The following ZNF33B variants were observed in gnomAD, a reference collection of about 807,000 sequenced individuals.
ZNF33B encodes the protein zinc finger protein 33B.
A neutral mutation model predicts 45.8 loss-of-function variants in ZNF33B; 29 were observed. The observed-to-expected ratio is 0.63, with a 90% CI of 0.47 to 0.86. The LOEUF (loss-of-function observed/expected upper bound fraction) is 0.86. ZNF33B is among the 40% of genes least tolerant of loss of function. ZNF33B has a pLI of 0.00. For missense variants in ZNF33B, 831 were observed against 909.9 expected (o/e 0.91, Z 1.12); for synonymous variants, 305 against 307.8 (o/e 0.99, Z 0.10).
At chr10:42,632,053 G>C (rs1839085577) in intron 3 of ZNF33B, 29 bp from the exon 4 acceptor site, 1 of 1,609,252 alleles carries the variant, frequency 6.2e-7, no homozygotes, top group African/African-American at 1.3e-5. Context: ...TTAGGATTTG[G>C]ACCAAGCAGT....
chr10:42,628,432 A>C (rs1450478540), intron 4 of ZNF33B, among the ~76,000 whole-genome samples: 1 of 152,304 alleles, frequency 6.6e-6, no homozygotes, highest in Non-Finnish European at 1.5e-5. Context: ...CTAAGAGGGA[A>C]GTGATGAATT....
At chr10:42,605,264 TAAAAAAAAA>T (rs35151043) in intron 4 of ZNF33B, 1 of 126,334 alleles carries the variant, frequency 7.9e-6, no homozygotes, top group Non-Finnish European at 1.6e-5. Flanking sequence ...GCATTAAATT[TAAAAAAAAA>T]AAAAAAAAAA....
At chr10:42,600,740 T>C (rs1489904322) in intron 4 of ZNF33B, among the ~76,000 whole-genome samples, 1 of 152,220 alleles carries the variant, frequency 6.6e-6, no homozygotes, top group Non-Finnish European at 1.5e-5. Flanking sequence ...CTTCCAATAG[T>C]ATATACTTTA....
At chr10:42,579,050 T>C (rs1400032367) in intron 1 of ZNF33B, among the ~76,000 whole-genome samples, 4 of 152,158 alleles carry the variant, frequency 2.6e-5, no homozygotes, top group Middle Eastern at 6.3e-3. Flanking sequence ...CTGCTGGTCA[T>C]TGTCTCTGCA....
chr10:42,592,434 G>T lies in ZNF33B; in HGVS notation c.*179C>A, dbSNP rs1837167954. Reference sequence around the variant, plus strand: ...AACAGAATATCACTTCCTAACAAAAGCCATCCTATAGTTGTTGTAGTCTAT... The same window carrying T: ...AACAGAATATCACTTCCTAACAAAATCCATCCTATAGTTGTTGTAGTCTAT... On this transcript the variant is annotated 3_prime_UTR_variant, in exon 5 of 5. Coordinates refer to ENST00000359467, the MANE Select transcript of ZNF33B (RefSeq NM_006955.3). The T allele has an allele frequency of 3.3e-6, 3 of 902,696 alleles. No individual in the cohort carries two copies. Among genetic ancestry groups the T allele is most frequent in the Non-Finnish European group, 4.9e-6 (3 of 610,026 alleles). The allele number at this position is 902,696 out of a possible 1,614,324, so 55.9% of individuals were successfully genotyped here. A position where few individuals can be genotyped will look rare whatever the true frequency, so the allele number is the denominator to read the frequency against.
downstream of ZNF33B, among the ~76,000 whole-genome samples, chr10:42,584,677 T>C (rs961772927): frequency 4.6e-5 from 7 of 152,232 alleles, no homozygotes; most frequent in South Asian, 4.2e-4. Flanking sequence ...CCCACCACCA[T>C]GTCCTGCTAA....
Position 42,593,378 on chromosome 10 carries a change from A to G in ZNF33B, c.1572T>C (p.Pro524=). ...TTTTCCCACATTCATAACATTCATA[A>G]GGTTTCAACCCTGTATGAATTATCT... ...RHQIIHTGLK[P]YECYECGKTF... The change falls in exon 5 of 5, where the codon CCT becomes CCC. Residue 524 remains proline, a synonymous_variant. Coordinates refer to ENST00000359467, the MANE Select transcript of ZNF33B (RefSeq NM_006955.3). The G allele has an allele frequency of 6.2e-7, 1 of 1,613,250 alleles. No individual in the cohort carries two copies. Among genetic ancestry groups the G allele is most frequent in the Non-Finnish European group, 8.5e-7 (1 of 1,179,808 alleles).
At chr10:42,582,270 C>G (rs1296182687) in intron 1 of ZNF33B, 2 of 152,258 alleles carry the variant, frequency 1.3e-5, no homozygotes, top group Middle Eastern at 3.4e-3. Context: ...TGAATGAACT[C>G]TGGGGTATAT....
chr10:42,580,981 CAGG>C (rs906699601), intron 1 of ZNF33B, among the ~76,000 whole-genome samples: 7 of 151,966 alleles, frequency 4.6e-5, no homozygotes, highest in Non-Finnish European at 7.4e-5. Context: ...ACAATCACAC[CAGG>C]AGAAGTGTAT....
rs529098348 is a variant in ZNF33B at position 42,624,343 on chromosome 10, C to T, written c.250+7586G>A. ...CAATGTTGAAGTTTTCTATTCTTTT[C>T]CATTGTTCTATGTGTATGTTCTATC... is the stretch of plus-strand genomic sequence containing the variant. On this transcript the variant is annotated intron_variant, in intron 4 of 4. Coordinates refer to ENST00000359467, the MANE Select transcript of ZNF33B (RefSeq NM_006955.3). Among the ~76,000 whole-genome samples, 81 of 152,250 alleles carry T rather than the reference C, an allele frequency of 5.3e-4. No individual in the cohort carries two copies. In the South Asian group the frequency reaches 0.014, roughly 26 times the overall value.
At chr10:42,634,921 G>C (rs1839218432) in intron 2 of ZNF33B, among the ~76,000 whole-genome samples, 1 of 152,082 alleles carries the variant, frequency 6.6e-6, no homozygotes, top group South Asian at 2.1e-4. Context: ...ACTAATCTAG[G>C]GATTGGTAAA....
At chr10:42,595,740 A>G (rs1837372945) in intron 4 of ZNF33B, among the ~76,000 whole-genome samples, 2 of 152,186 alleles carry the variant, frequency 1.3e-5, no homozygotes, top group Non-Finnish European at 1.5e-5. Flanking sequence ...ATGCACAGAG[A>G]AAAGGCTGTG....
chr10:42,596,599 C>T (rs1837410522), intron 4 of ZNF33B, among the ~76,000 whole-genome samples: 1 of 151,992 alleles, frequency 6.6e-6, no homozygotes, highest in African/African-American at 2.4e-5. Context: ...GGGAGTTCCA[C>T]TTGTTTAGGT....
At chr10:42,631,730 A>C in intron 4 of ZNF33B, 199 bp downstream of exon 4, 1 of 546,810 alleles carries the variant, frequency 1.8e-6, no homozygotes, top group Non-Finnish European at 3.3e-6. Context: ...ACCTTCAAAA[A>C]ATGATTCTAA....
At chr10:42,622,419 G>A (rs950986707) in intron 4 of ZNF33B, among the ~76,000 whole-genome samples, 2 of 152,098 alleles carry the variant, frequency 1.3e-5, no homozygotes, top group Admixed American at 6.6e-5. Context: ...GACTCAAAAC[G>A]TCCAATTTCA....
At chr10:42,625,574 G>A (rs1379104861) in intron 4 of ZNF33B, among the ~76,000 whole-genome samples, 2 of 152,166 alleles carry the variant, frequency 1.3e-5, no homozygotes, top group African/African-American at 2.4e-5. Flanking sequence ...CCGCCTCCTG[G>A]GTTCAAGCAA....
At chr10:42,615,733 G>A (rs1410758882) in intron 4 of ZNF33B, among the ~76,000 whole-genome samples, 2 of 152,074 alleles carry the variant, frequency 1.3e-5, no homozygotes, top group Non-Finnish European at 2.9e-5. Context: ...AGACCAGCCT[G>A]GCCAACACAG....
At chr10:42,627,921 G>C (rs1002467388) in intron 4 of ZNF33B, among the ~76,000 whole-genome samples, 1 of 152,144 alleles carries the variant, frequency 6.6e-6, no homozygotes, top group African/African-American at 2.4e-5. Flanking sequence ...TTTTAAATCT[G>C]CCAAGGCTTA....
chr10:42,625,038 T>A (rs1013330539), intron 4 of ZNF33B, among the ~76,000 whole-genome samples: 5 of 145,520 alleles, frequency 3.4e-5, no homozygotes, highest in African/African-American at 1.0e-4. Context: ...GTTTCATATT[T>A]TATATATATA....
Sources: allele counts gnomAD v4.1 joint callset (sites outside exome capture counted in the v4.1 genomes callset), GRCh38; gene constraint gnomAD v4.1.1; transcripts MANE v1.5; gene names NCBI Gene and HGNC (gene_info 2026-07-23, HGNC 2026-07-21).